The following PRKN variants were observed in gnomAD, a reference collection of about 807,000 sequenced individuals.
The protein encoded by PRKN is E3 ubiquitin-protein ligase parkin.
A neutral mutation model predicts 59.5 loss-of-function variants in PRKN; 56 were observed. The ratio of observed to expected loss-of-function variants is 0.94; its 90% confidence interval spans 0.76 to 1.18. The LOEUF (loss-of-function observed/expected upper bound fraction) is 1.18, where lower values mean the gene tolerates loss of function less well. PRKN is among the 50% of genes most tolerant of loss of function. The pLI, the probability that PRKN is intolerant of heterozygous loss-of-function variation, is 0.00. For synonymous variants in PRKN, 250 were observed against 222.1 expected (o/e 1.13, Z -1.12); for missense variants, 657 against 596.4 (o/e 1.10, Z -1.06).
chr6:162,253,969 T>C (rs768161469), intron 3 of PRKN, among the ~76,000 whole-genome samples: 8 of 152,144 alleles, frequency 5.3e-5, no homozygotes, highest in Non-Finnish European at 1.0e-4. Flanking sequence ...CAACAATCTG[T>C]GAAAACTTTC....
chr6:161,970,281 A>G (rs12200722), intron 6 of PRKN, among the ~76,000 whole-genome samples: 18 of 151,926 alleles, frequency 1.2e-4, no homozygotes, highest in African/African-American at 3.6e-4. Flanking sequence ...AGCTCAAGCA[A>G]TCTGCCTGCC....
chr6:161,901,660 G>T (rs1363432965), intron 6 of PRKN, among the ~76,000 whole-genome samples: 8 of 152,180 alleles, frequency 5.3e-5, no homozygotes, highest in African/African-American at 1.9e-4. Context: ...GATTTAAACA[G>T]GGAGAAGGAC....
At chr6:161,807,997 A>G (rs1338449791) in intron 6 of PRKN, among the ~76,000 whole-genome samples, 1 of 152,058 alleles carries the variant, frequency 6.6e-6, no homozygotes, top group African/African-American at 2.4e-5. Flanking sequence ...TGTCATTTAC[A>G]TTTTCTGTCT....
intron 4 of PRKN, among the ~76,000 whole-genome samples, chr6:162,137,993 C>T (rs148230243): frequency 5.3e-5 from 8 of 151,726 alleles, no homozygotes; most frequent in African/African-American, 1.7e-4. Flanking sequence ...GCCTTGTTAG[C>T]TATAGCAGAG....
At chr6:161,764,968 A>G (rs890179018) in intron 7 of PRKN, among the ~76,000 whole-genome samples, 2 of 152,242 alleles carry the variant, frequency 1.3e-5, no homozygotes, top group African/African-American at 4.8e-5. Flanking sequence ...TCCTACTACC[A>G]CACCAGGTTC....
chr6:162,337,052 C>T (rs867236226), intron 2 of PRKN, among the ~76,000 whole-genome samples: 19 of 152,204 alleles, frequency 1.2e-4, no homozygotes, highest in African/African-American at 4.6e-4. Context: ...GCACACAGTA[C>T]TGTTTAAACA....
At chr6:162,128,924 C>T (rs1016524628) in intron 4 of PRKN, among the ~76,000 whole-genome samples, 1 of 152,190 alleles carries the variant, frequency 6.6e-6, no homozygotes, top group Non-Finnish European at 1.5e-5. Flanking sequence ...GAAAGAATTG[C>T]TGCTGTTTCT....
chr6:162,713,019 T>C (rs182788089), intron 1 of PRKN, among the ~76,000 whole-genome samples: 11 of 152,274 alleles, frequency 7.2e-5, no homozygotes, highest in Non-Finnish European at 1.3e-4. Context: ...TGAGATGCTG[T>C]AATATTATAG....
chr6:162,530,281 T>C (rs922566431), intron 1 of PRKN, among the ~76,000 whole-genome samples: 1 of 152,110 alleles, frequency 6.6e-6, no homozygotes. Context: ...ACTTGAGGAA[T>C]AGCTGAGTGA....
At chr6:162,642,379 G>A (rs1404737259) in intron 1 of PRKN, among the ~76,000 whole-genome samples, 1 of 152,072 alleles carries the variant, frequency 6.6e-6, no homozygotes, top group Non-Finnish European at 1.5e-5. Flanking sequence ...TTCTATCTTA[G>A]AAATTATTCA....
intron 1 of PRKN, among the ~76,000 whole-genome samples, chr6:162,629,423 T>C (rs919515686): frequency 3.3e-5 from 5 of 152,148 alleles, no homozygotes; most frequent in Non-Finnish European, 2.9e-5. Flanking sequence ...CCAAAGATTT[T>C]ATTCCTCTCT....
rs144255691 is a variant in PRKN at position 161,855,666 on chromosome 6, G to A, written c.735-69758C>T. On this transcript the variant is annotated intron_variant, in intron 6 of 11. Transcript: ENST00000366898. The stretch of plus-strand genomic sequence containing the variant: ...TTCTTTCTTTACGCTGTTCTTTATT[G>A]TATTTTTTCCATTAAAATAATATTT... Among the ~76,000 whole-genome samples, 309 of 152,086 alleles carry A rather than the reference G, an allele frequency of 2.0e-3. 1 individual carries two copies. Among genetic ancestry groups the A allele is most frequent in the African/African-American group, 7.2e-3 (298 of 41,484 alleles).
chr6:162,498,174 T>A (rs998380693), intron 1 of PRKN, among the ~76,000 whole-genome samples: 1 of 152,036 alleles, frequency 6.6e-6, no homozygotes, highest in Admixed American at 6.5e-5. Flanking sequence ...AACAAGGGAT[T>A]TGTGCTTATT....
chr6:161,677,704 A>T (rs1785140783), intron 7 of PRKN, among the ~76,000 whole-genome samples: 1 of 152,204 alleles, frequency 6.6e-6, no homozygotes, highest in African/African-American at 2.4e-5. Context: ...ATTTTAAAAA[A>T]TTTCTCAATG....
Position 162,344,149 on chromosome 6 carries a change from C to T in PRKN, c.172-81384G>A, listed in dbSNP as rs1034400042. ...CAATCCACAAACTGCAGTGTATAAACGTGGCTCAGTCTAATACCAAGTTAA... is the reference window on the plus strand; with the variant it reads ...CAATCCACAAACTGCAGTGTATAAATGTGGCTCAGTCTAATACCAAGTTAA... On this transcript the variant is annotated intron_variant, in intron 2 of 11. Transcript: ENST00000366898. Among the ~76,000 whole-genome samples the T allele has an allele frequency of 4.6e-5, 7 of 152,168 alleles. 1 individual carries two copies. The highest frequency in any genetic ancestry group is 1.7e-4 in the African/African-American group (7 of 41,432).
chr6:161,572,090 T>A (rs1184855746), intron 7 of PRKN, among the ~76,000 whole-genome samples: 4 of 152,106 alleles, frequency 2.6e-5, no homozygotes, highest in Non-Finnish European at 4.4e-5. Flanking sequence ...TGTGAGCCCT[T>A]CCCCCAGTAA....
In PRKN at chr6:162,176,224, C is replaced by T. The variant is rs1302867587; in HGVS notation, c.534+24907G>A. 2.6e-5 allele frequency among the ~76,000 whole-genome samples: 4 copies of T among 152,058 alleles called. No homozygotes were observed. The South Asian group carries it at 8.3e-4, about 31-fold the overall frequency. On this transcript the variant is annotated intron_variant, in intron 4 of 11. Transcript: ENST00000366898. The stretch of plus-strand genomic sequence containing the variant: ...GAATAATCTAATAAAGAATAAACAT[C>T]CCTGAAGAGCCAAGAAAATTATGTA...
intron 2 of PRKN, among the ~76,000 whole-genome samples, chr6:162,312,720 T>C (rs7752706): frequency 0.56 from 85,120 of 151,822 alleles, 24,623 homozygotes; most frequent in African/African-American, 0.7. Context: ...AAAGCCTTTG[T>C]GGATCGGATA....
At chr6:162,069,541 CT>C (rs1467270080) in intron 4 of PRKN, among the ~76,000 whole-genome samples, 1 of 152,162 alleles carries the variant, frequency 6.6e-6, no homozygotes, top group Non-Finnish European at 1.5e-5. Flanking sequence ...AGAAACATGT[CT>C]TGCTTTAATG....
Sources: gnomAD v4.1 joint callset for allele counts (sites outside exome capture counted in the v4.1 genomes callset) on GRCh38, gnomAD v4.1.1 for gene constraint, MANE v1.5 for transcripts, NCBI Gene and HGNC (gene_info 2026-07-23, HGNC 2026-07-21) for gene names.